The following CWH43 variants were observed in gnomAD, a reference collection of about 807,000 sequenced individuals.
CWH43 encodes PGAP2-interacting protein.
A neutral mutation model predicts 85.7 loss-of-function variants in CWH43; 91 were observed. That is an observed-to-expected ratio of 1.06 (90% CI 0.90 to 1.26). CWH43 has a LOEUF of 1.26. CWH43 is among the 50% of genes most tolerant of loss of function. The pLI, the probability that CWH43 is intolerant of heterozygous loss-of-function variation, is 0.00. For missense variants in CWH43, 869 were observed against 839.2 expected (o/e 1.04, Z -0.44); for synonymous variants, 323 against 293.6 (o/e 1.10, Z -1.02).
At chr4:48,998,132 C>G (rs1250260495) in intron 5 of CWH43, among the ~76,000 whole-genome samples, 4 of 152,178 alleles carry the variant, frequency 2.6e-5, no homozygotes, top group Non-Finnish European at 4.4e-5. Context: ...GAAACCATTC[C>G]AATGACCTTT....
chr4:48,987,896 GC>G (rs757785663), intron 1 of CWH43, among the ~76,000 whole-genome samples: 59 of 152,124 alleles, frequency 3.9e-4, no homozygotes, highest in Non-Finnish European at 4.7e-4. Flanking sequence ...GCTGCTTGCT[GC>G]CCTTTTGGAC....
chr4:49,028,752 T>C lies in CWH43; in HGVS notation c.1372+18T>C, dbSNP rs780932224. ...TGAAACAGGTAAGTCTTCCTGGAAT[T>C]AGTTCCAGGTTTTGAGAAACTATTA... is the stretch of plus-strand genomic sequence containing the variant. On this transcript the variant is annotated intron_variant, in intron 10 of 15. Transcript: ENST00000226432. 8 of 1,496,866 alleles carry C rather than the reference T, an allele frequency of 5.3e-6. No individual in the cohort carries two copies. In the South Asian group the frequency reaches 9.2e-5, roughly 17 times the overall value. The allele number at this position is 1,496,866 out of a possible 1,614,324, so 92.7% of individuals were successfully genotyped here.
At chr4:49,007,021 C>T (rs544175094) in intron 7 of CWH43, 180 bp from the exon 8 acceptor site, 1 of 563,898 alleles carries the variant, frequency 1.8e-6, no homozygotes, top group South Asian at 5.7e-5. Context: ...AGAACCCTAC[C>T]TGATATTTTC....
intron 13 of CWH43, among the ~76,000 whole-genome samples, chr4:49,039,306 GATAT>G (rs71600797): frequency 0.12 from 555 of 4,600 alleles, 141 homozygotes; most frequent in Non-Finnish European, 0.24. Flanking sequence ...TCAGGAGACT[GATAT>G]ATATATATAT....
chr4:49,032,685 A>G lies in CWH43; in HGVS notation c.1628A>G (p.Asp543Gly), dbSNP rs779187920. 1.2e-6 allele frequency: 2 copies of G among 1,613,930 alleles called. No individual in the cohort carries two copies. Among genetic ancestry groups the G allele is most frequent in the African/African-American group, 1.3e-5 (1 of 74,910 alleles). Residue 543 changes from aspartate (D) to glycine (G), a missense_variant, in exon 12 of 16, where the codon GAT becomes GGT. Physicochemically the swap from Asp to Gly is moderately conservative, Grantham distance 94. Around this residue, in one of 3 missense-constraint regions of CWH43, gnomAD observed 577 missense variants for 513.1 expected, o/e 1.12. Coordinates refer to ENST00000226432, the MANE Select transcript of CWH43 (RefSeq NM_025087.3). ...LTVNISGKLV[D>G]FVVTHFGNHE... ...GTTAACATTTCGGGCAAGCTGGTGGATTTTGTCGTGACACACTTTGGGAAC... is the reference window on the plus strand; with the variant it reads ...GTTAACATTTCGGGCAAGCTGGTGGGTTTTGTCGTGACACACTTTGGGAAC...
chr4:48,991,723 C>T, intron 3 of CWH43, 149 bp downstream of exon 3: 1 of 999,642 alleles, frequency 1.0e-6, no homozygotes, highest in Non-Finnish European at 1.5e-6. Context: ...AAAACAAGGA[C>T]ATGAATACTT....
At position 49,061,916 on chromosome 4, in the gene CWH43, C is replaced by A; in HGVS notation, c.*26C>A. On this transcript the variant is annotated 3_prime_UTR_variant, in exon 16 of 16. Coordinates refer to ENST00000226432, the MANE Select transcript of CWH43 (RefSeq NM_025087.3). The stretch of plus-strand genomic sequence containing the variant: ...AACATTTAAAACAAGAAGTTATTGG[C>A]TGGGAAAATCTAAGAAAAAAAGTAT... 2 of 1,302,186 alleles carry A rather than the reference C, an allele frequency of 1.5e-6. No homozygotes were observed. The highest frequency in any genetic ancestry group is 2.0e-6 in the Non-Finnish European group (2 of 985,666). 80.7% of individuals were successfully genotyped at this position (1,302,186 alleles called of 1,614,324 possible). A position where few individuals can be genotyped will look rare whatever the true frequency, so the allele number is the denominator to read the frequency against.
At chr4:49,010,655 C>T (rs1431977284) in intron 8 of CWH43, among the ~76,000 whole-genome samples, 3 of 152,140 alleles carry the variant, frequency 2.0e-5, no homozygotes, top group Non-Finnish European at 4.4e-5. Flanking sequence ...AAATGTGTCC[C>T]AGAGATTCTT....
Position 49,050,689 on chromosome 4 carries a change from T to C in CWH43, c.1866-5T>C, listed in dbSNP as rs1489888644. ...TGTTACAAACCATTTCTGTTTCTGC[T>C]ACAGGTTGGGTTATGCAAGAATCTC... is the stretch of plus-strand genomic sequence containing the variant. On this transcript the variant is annotated splice_polypyrimidine_tract_variant and splice_region_variant and intron_variant, in intron 14 of 15. Transcript: ENST00000226432. 6.2e-7 allele frequency: 1 copy of C among 1,605,628 alleles called. No homozygotes were observed. The highest frequency in any genetic ancestry group is 8.5e-7 in the Non-Finnish European group (1 of 1,176,940).
intron 15 of CWH43, among the ~76,000 whole-genome samples, chr4:49,056,219 T>G (rs1055394535): frequency 8.6e-5 from 13 of 151,896 alleles, no homozygotes; most frequent in Non-Finnish European, 1.5e-4. Context: ...TCCAATTTCA[T>G]CCATGTCCCT....
rs143236760 is a variant in CWH43 at position 49,017,897 on chromosome 4, C to T, written c.1266+569C>T. Among the ~76,000 whole-genome samples the T allele has an allele frequency of 4.2e-3, 630 of 151,628 alleles. 13 individuals carry two copies. The highest frequency in any genetic ancestry group is 0.026 in the Admixed American group (389 of 15,232). On this transcript the variant is annotated intron_variant, in intron 9 of 15. Coordinates refer to ENST00000226432, the MANE Select transcript of CWH43 (RefSeq NM_025087.3). ...GCCGCCCGGCTGGAGTGCAGTGGTG[C>T]GATCTTGGCTCACTGCAACCTCTGC...
chr4:48,993,945 A>G (rs1456937034), intron 4 of CWH43, among the ~76,000 whole-genome samples: 1 of 151,494 alleles, frequency 6.6e-6, no homozygotes, highest in East Asian at 1.9e-4. Context: ...TATTTTTAGT[A>G]GAGACAGGGT....
In CWH43 at chr4:48,992,521, G is replaced by T. The variant is rs1560484600; in HGVS notation, c.511+431G>T. On this transcript the variant is annotated intron_variant, in intron 4 of 15. Transcript: ENST00000226432. The surrounding 1 kb of genome is among the most constrained non-coding windows in gnomAD (Gnocchi z 4.3). The stretch of plus-strand genomic sequence containing the variant: ...TATGGCTGTCACTGGAACTCCCTGG[G>T]TTTTTTTTCCCAGAGGTCTGAAGCT... 6.6e-6 allele frequency among the ~76,000 whole-genome samples: 1 copy of T among 151,912 alleles called. No homozygotes were observed. Among genetic ancestry groups the T allele is most frequent in the Non-Finnish European group, 1.5e-5 (1 of 67,966 alleles).
chr4:49,044,774 G>T lies in CWH43; in HGVS notation c.1804-12G>T, dbSNP rs747929964. The stretch of plus-strand genomic sequence containing the variant: ...TTATGCTTTAAACATTCTCCTCTCT[G>T]CTCTTTATTAGGATATCGACAGCAC... On this transcript the variant is annotated splice_polypyrimidine_tract_variant and intron_variant, in intron 13 of 15. Transcript: ENST00000226432. 1.9e-6 allele frequency: 3 copies of T among 1,607,856 alleles called. No homozygotes were observed. The highest frequency in any genetic ancestry group is 2.5e-6 in the Non-Finnish European group (3 of 1,176,536).
intron 9 of CWH43, among the ~76,000 whole-genome samples, chr4:49,024,142 T>A (rs888240910): frequency 6.6e-6 from 1 of 152,218 alleles, no homozygotes; most frequent in African/African-American, 2.4e-5. Context: ...AAGTTTGTTT[T>A]GTCTGATATA....
intron 7 of CWH43, among the ~76,000 whole-genome samples, chr4:49,004,463 T>G (rs1783092008): frequency 6.6e-6 from 1 of 152,232 alleles, no homozygotes; most frequent in Admixed American, 6.5e-5. Context: ...CACAGCTCAC[T>G]GCAGCCTTGA....
chr4:48,995,188 G>A (rs1296622558), intron 5 of CWH43, among the ~76,000 whole-genome samples: 2 of 152,162 alleles, frequency 1.3e-5, no homozygotes, highest in Admixed American at 6.5e-5. Flanking sequence ...TTATGGTTAT[G>A]GGCATTTAGT....
intron 8 of CWH43, among the ~76,000 whole-genome samples, chr4:49,016,390 G>C (rs1783546406): frequency 6.6e-6 from 1 of 152,102 alleles, no homozygotes; most frequent in African/African-American, 2.4e-5. Context: ...GAGGATCTTG[G>C]CCTCATGGTG....
intron 12 of CWH43, among the ~76,000 whole-genome samples, chr4:49,036,310 A>T (rs573892391): frequency 2.6e-5 from 4 of 152,292 alleles, no homozygotes; most frequent in Non-Finnish European, 5.9e-5. Context: ...AGGACAGAGG[A>T]TGAATGTGGG....
Sources: allele counts gnomAD v4.1 joint callset (sites outside exome capture counted in the v4.1 genomes callset), GRCh38; gene constraint gnomAD v4.1.1; regional missense constraint gnomAD v4.1.1; non-coding constraint Gnocchi (gnomAD v3.1); transcripts MANE v1.5; gene names NCBI Gene and HGNC (gene_info 2026-07-23, HGNC 2026-07-21).